Variants in FIG4 observed in about 807,000 individuals in gnomAD.
FIG4 encodes the protein polyphosphoinositide phosphatase.
FIG4 carries 112 observed loss-of-function variants against 118.6 expected under a neutral mutation model. The observed-to-expected ratio is 0.94, with a 90% CI of 0.81 to 1.11. FIG4 has a LOEUF of 1.11. Ranked by LOEUF, FIG4 falls within the 50% of genes least tolerant of loss-of-function variation. The pLI is 0.00. For missense variants in FIG4, 969 were observed against 1,111.7 expected, an observed-to-expected ratio of 0.87 and a Z score of 1.83; for synonymous variants, 369 against 381.2, an observed-to-expected ratio of 0.97 and a Z score of 0.37.
At chr6:109,792,225 A>T (rs1387743217) in intron 20 of FIG4, among the ~76,000 whole-genome samples, 1 of 152,264 alleles carries the variant, frequency 6.6e-6, no homozygotes, top group Non-Finnish European at 1.5e-5. Context: ...GTATGTGACT[A>T]CGTTTGCACT....
At chr6:109,788,383 AT>A (rs1262227153) in intron 18 of FIG4, among the ~76,000 whole-genome samples, 16 of 152,330 alleles carry the variant, frequency 1.1e-4, no homozygotes, top group Admixed American at 8.5e-4. Flanking sequence ...ACCATCTTAA[AT>A]AGCAAGATCA....
rs766372971 is a variant in FIG4, at chr6:109,766,906, A to C, written c.1750+11A>C. Reference sequence around the variant, plus strand: ...GCAATGCTTTTTCAGGTAATTCTGAAGTAATAGCTATTTTTAAGACTTACT... The same window carrying C: ...GCAATGCTTTTTCAGGTAATTCTGACGTAATAGCTATTTTTAAGACTTACT... On this transcript the variant is annotated intron_variant, in intron 15 of 22. Coordinates refer to ENST00000230124, the MANE Select transcript of FIG4 (RefSeq NM_014845.6). 1.9e-6 allele frequency: 3 copies of C among 1,611,396 alleles called. No homozygotes were observed. Among genetic ancestry groups the C allele is most frequent in the Non-Finnish European group, 2.5e-6 (3 of 1,177,662 alleles).
chr6:109,797,615 G>A (rs987221138), intron 22 of FIG4, among the ~76,000 whole-genome samples: 4 of 152,076 alleles, frequency 2.6e-5, no homozygotes, highest in South Asian at 2.1e-4. Context: ...GTCACTGTGG[G>A]CGGGGCATGG....
At chr6:109,821,317 T>C (rs553647526) in intron 22 of FIG4, among the ~76,000 whole-genome samples, 83 of 152,308 alleles carry the variant, frequency 5.4e-4, no homozygotes, top group Admixed American at 2.0e-3. Context: ...TAAGTAAATC[T>C]TTCCTGAGCA....
intron 22 of FIG4, among the ~76,000 whole-genome samples, chr6:109,809,723 A>T (rs576324320): frequency 1.3e-5 from 2 of 152,264 alleles, no homozygotes; most frequent in South Asian, 4.2e-4. Flanking sequence ...CAGGAAGCAA[A>T]TGTTCTCTTT....
At position 109,778,555 on chromosome 6, in the gene FIG4, G is replaced by C. The variant is rs1480144852; in HGVS notation, c.1889+1495G>C. On this transcript the variant is annotated intron_variant, in intron 16 of 22. Transcript: ENST00000230124. ...TGTGTGTATGGGACCATGAACAACT[G>C]ACAGAGTTGCAAGTACAGCTCTTGC... Among the ~76,000 whole-genome samples, 3 of 151,768 alleles carry C rather than the reference G, an allele frequency of 2.0e-5. No individual in the cohort carries two copies. The East Asian group carries it at 5.8e-4, about 29-fold the overall frequency.
rs1776537446 is a variant in FIG4 at position 109,747,437 on chromosome 6, G to A, written c.1137+3665G>A. On this transcript the variant is annotated intron_variant, in intron 10 of 22. Transcript: ENST00000230124. ...TGTCAGGAATGCCAGGAGAAAGCGT[G>A]TTTCACAATGAAGGAAGTAAATGAT... Among the ~76,000 whole-genome samples, 5 of 152,078 alleles carry A rather than the reference G, an allele frequency of 3.3e-5. No homozygotes were observed. In the South Asian group the frequency reaches 1.0e-3, roughly 32 times the overall value.
At chr6:109,723,994 T>C (rs923569137) in intron 3 of FIG4, among the ~76,000 whole-genome samples, 1 of 152,180 alleles carries the variant, frequency 6.6e-6, no homozygotes, top group Non-Finnish European at 1.5e-5. Flanking sequence ...CTGACTCAAA[T>C]TGGTTTTTGA....
intron 10 of FIG4, among the ~76,000 whole-genome samples, chr6:109,758,572 CA>C (rs752123653): frequency 1.1e-4 from 17 of 152,084 alleles, no homozygotes; most frequent in Non-Finnish European, 2.2e-4. Context: ...ACTAAAACAC[CA>C]AAAGCAATGG....
intron 22 of FIG4, among the ~76,000 whole-genome samples, chr6:109,820,928 G>A (rs1447394984): frequency 6.6e-6 from 1 of 152,164 alleles, no homozygotes; most frequent in African/African-American, 2.4e-5. Context: ...GGAGGAAACA[G>A]TGGGGCATCT....
At chr6:109,813,158 G>T (rs1583769885) in intron 22 of FIG4, among the ~76,000 whole-genome samples, 1 of 151,886 alleles carries the variant, frequency 6.6e-6, no homozygotes, top group East Asian at 1.9e-4. Context: ...TTTAAATTGG[G>T]AATCTCAAGC....
intron 22 of FIG4, among the ~76,000 whole-genome samples, chr6:109,822,732 A>T (rs186819734): frequency 6.7e-6 from 1 of 148,508 alleles, no homozygotes; most frequent in Non-Finnish European, 1.5e-5. Flanking sequence ...GCTTCACTTA[A>T]AGCACATTAC....
chr6:109,777,076 G>A lies in FIG4; in HGVS notation c.1889+16G>A. On this transcript the variant is annotated intron_variant, in intron 16 of 22. Coordinates refer to ENST00000230124, the MANE Select transcript of FIG4 (RefSeq NM_014845.6). ...CAAGAAGAAGGTATTTTTCTTCCTA[G>A]TCTGTAATATAAACTCCCATTTGGT... 6.2e-7 allele frequency: 1 copy of A among 1,608,538 alleles called. No homozygotes were observed. The highest frequency in any genetic ancestry group is 8.5e-7 in the Non-Finnish European group (1 of 1,175,192).
intron 7 of FIG4, among the ~76,000 whole-genome samples, chr6:109,739,824 T>G (rs916277465): frequency 1.1e-4 from 16 of 152,180 alleles, no homozygotes; most frequent in Non-Finnish European, 2.1e-4. Context: ...ACCATTATTA[T>G]GCTTTCTTGT....
chr6:109,729,370 T>C (rs1329496458), intron 4 of FIG4, among the ~76,000 whole-genome samples: 2 of 152,184 alleles, frequency 1.3e-5, no homozygotes, highest in Non-Finnish European at 2.9e-5. Flanking sequence ...CCAAAATTGT[T>C]CTTAGAAGTG....
intron 15 of FIG4, among the ~76,000 whole-genome samples, chr6:109,775,718 C>T (rs1269467633): frequency 6.6e-6 from 1 of 152,130 alleles, no homozygotes; most frequent in Non-Finnish European, 1.5e-5. Flanking sequence ...CAAATGTGCT[C>T]AGCATATAAA....
chr6:109,770,206 C>T (rs567196995), intron 15 of FIG4, among the ~76,000 whole-genome samples: 1 of 152,144 alleles, frequency 6.6e-6, no homozygotes, highest in African/African-American at 2.4e-5. Context: ...CCCTTAAGGG[C>T]CTTGCTAAGC....
intron 22 of FIG4, 63 bp from the exon 23 acceptor site, chr6:109,825,025 G>T: frequency 1.3e-6 from 2 of 1,485,004 alleles, no homozygotes; most frequent in Non-Finnish European, 1.9e-6. Flanking sequence ...TTCTGAGACT[G>T]CTCCCTGTGG....
At chr6:109,739,922 A>G (rs891864385) in intron 7 of FIG4, among the ~76,000 whole-genome samples, 3 of 152,034 alleles carry the variant, frequency 2.0e-5, no homozygotes, top group African/African-American at 7.2e-5. Flanking sequence ...TGTGAGGGGG[A>G]CGAAAGGCTA....
Sources: allele counts gnomAD v4.1 joint callset (sites outside exome capture counted in the v4.1 genomes callset), GRCh38; gene constraint gnomAD v4.1.1; transcripts MANE v1.5; gene names NCBI Gene and HGNC (gene_info 2026-07-23, HGNC 2026-07-21).